TTC34: variants seen among roughly 807,000 people sequenced by gnomAD.
TTC34 encodes tetratricopeptide repeat protein 34.
Under a neutral mutation model 40.7 loss-of-function variants are expected in TTC34, and 44 were observed. The observed-to-expected ratio is 1.08, with a 90% CI of 0.85 to 1.39. TTC34 has a LOEUF of 1.39. TTC34 is among the 40% of genes most tolerant of loss of function. The pLI is 0.00. For synonymous variants in TTC34, 422 were observed against 398.6 expected (o/e 1.06, Z -0.70); for missense variants, 884 against 838.0 (o/e 1.05, Z -0.68).
chr1:2,786,007 A>G, exon 5 of TTC34: 15 of 1,472,356 alleles, frequency 1.0e-5, no homozygotes, highest in South Asian at 1.4e-5. Context: ...ACCAGACTGG[A>G]CCAGCTTCTT....
chr1:2,750,202 AC>A (rs1641269353), intron 6 of TTC34, among the ~76,000 whole-genome samples: 1 of 152,058 alleles, frequency 6.6e-6, no homozygotes. Context: ...CGGCACCCAC[AC>A]CCCCAGGTGC....
intron 6 of TTC34, among the ~76,000 whole-genome samples, chr1:2,677,780 GAGCATCTGACCGCATCACATGGCATCCT>G (rs1639968822): frequency 1.4e-5 from 1 of 70,440 alleles, no homozygotes; most frequent in African/African-American, 5.0e-5. Flanking sequence ...ACCCCCAGGT[GAGCATCTGACCGCATCACATGGCATCCT>G]CACACCCAGT....
chr1:2,752,184 C>T (rs1162989992), intron 6 of TTC34, among the ~76,000 whole-genome samples: 1 of 120,636 alleles, frequency 8.3e-6, no homozygotes, highest in African/African-American at 3.7e-5. Context: ...AGGTGAGCAT[C>T]TGACAGCCTG....
At chr1:2,687,202 C>A (rs1640402051) in intron 6 of TTC34, among the ~76,000 whole-genome samples, 1 of 147,558 alleles carries the variant, frequency 6.8e-6, no homozygotes, top group Non-Finnish European at 1.5e-5. Flanking sequence ...GCAGCACCCA[C>A]ACCTCCCGGC....
intron 6 of TTC34, among the ~76,000 whole-genome samples, chr1:2,760,402 C>T (rs1301403737): frequency 2.0e-5 from 1 of 50,942 alleles, no homozygotes; most frequent in Non-Finnish European, 3.1e-5. Context: ...CATCACCCCG[C>T]ACCCACAGGC....
intron 2 of TTC34, among the ~76,000 whole-genome samples, chr1:2,798,902 C>A (rs1443331825): frequency 8.8e-6 from 1 of 113,060 alleles, no homozygotes; most frequent in African/African-American, 3.6e-5. Context: ...AGCCTCCCAG[C>A]CTCTCAGCCT....
In TTC34 at chr1:2,771,551, G is replaced by T. The variant is rs1327895814; in HGVS notation, c.2226+12058C>A. On this transcript the variant is annotated intron_variant, in intron 6 of 8. Coordinates refer to ENST00000401095, the Ensembl canonical transcript of TTC34. ...CCAGGCGAGCATCTGACAGCCTGGA[G>T]CAGCACACACAACCCCAGGCGAGCA... Among the ~76,000 whole-genome samples, 10 of 68,668 alleles carry T rather than the reference G, an allele frequency of 1.5e-4. 2 individuals are homozygous for T. The highest frequency in any genetic ancestry group is 1.0e-3 in the Admixed American group (8 of 8,024). The allele number at this position is 68,668 out of a possible 152,430, so 45.0% of individuals were successfully genotyped here.
At chr1:2,687,395 G>A (rs924940720) in intron 6 of TTC34, among the ~76,000 whole-genome samples, 126 of 22,846 alleles carry the variant, frequency 5.5e-3, no homozygotes, top group South Asian at 0.015. Context: ...AGCCTGGAAC[G>A]GCACCCACAC....
Position 2,799,123 on chromosome 1 carries a change from C to T in TTC34, c.784+921G>A, listed in dbSNP as rs189081543. Among the ~76,000 whole-genome samples, 82 of 151,076 alleles carry T rather than the reference C, an allele frequency of 5.4e-4. 1 individual carries two copies. In the East Asian group the frequency reaches 9.7e-3, roughly 18 times the overall value. On this transcript the variant is annotated intron_variant, in intron 2 of 8. Transcript: ENST00000401095. ...CCAGCCTCTCAGCCTCCCGGCCTCC[C>T]GGCCTCCCAGCCTCCCAGCCTCCTA...
At position 2,648,578 on chromosome 1, in the gene TTC34, C is replaced by A. The variant is rs541129443; in HGVS notation, c.2227-3015G>T. 2.0e-5 allele frequency among the ~76,000 whole-genome samples: 3 copies of A among 152,158 alleles called. No individual in the cohort carries two copies. In the East Asian group the frequency reaches 5.8e-4, roughly 29 times the overall value. ...TACAGCTGTCAGGAGCCTGGAATGG[C>A]ACCCACATCCCCAGGTGAGCATCTG... On this transcript the variant is annotated intron_variant, in intron 6 of 8. Coordinates refer to ENST00000401095, the Ensembl canonical transcript of TTC34.
chr1:2,750,012 C>T (rs1157427987), intron 6 of TTC34, among the ~76,000 whole-genome samples: 4 of 8,812 alleles, frequency 4.5e-4, no homozygotes, highest in East Asian at 9.1e-3. Flanking sequence ...CATCCCCAGG[C>T]GAGCATCCGA....
At chr1:2,800,659 C>A (rs1643761748) in exon 2 of TTC34, 1 of 398,500 alleles carries the variant, frequency 2.5e-6, no homozygotes, top group Non-Finnish European at 4.4e-6. Flanking sequence ...GCCACCACCG[C>A]CGCCCCCCGA....
intron 6 of TTC34, among the ~76,000 whole-genome samples, chr1:2,677,940 T>C (rs1409324039): frequency 3.0e-5 from 1 of 33,812 alleles, no homozygotes; most frequent in Non-Finnish European, 4.8e-5. Flanking sequence ...CACCCCCAGG[T>C]GAGCATCCGA....
intron 6 of TTC34, among the ~76,000 whole-genome samples, chr1:2,768,610 G>T (rs919577651): frequency 2.0e-5 from 3 of 151,756 alleles, no homozygotes; most frequent in East Asian, 1.9e-4. Context: ...AGCCTGGAAT[G>T]GTACCCCACA....
chr1:2,646,687 G>A (rs1042392965), intron 6 of TTC34, among the ~76,000 whole-genome samples: 5 of 152,190 alleles, frequency 3.3e-5, no homozygotes, highest in African/African-American at 1.2e-4. Flanking sequence ...CACCTGGCCT[G>A]TTTTTAATTT....
At chr1:2,677,547 AC>A (rs1639952919) in intron 6 of TTC34, among the ~76,000 whole-genome samples, 2 of 100,490 alleles carry the variant, frequency 2.0e-5, no homozygotes, top group East Asian at 3.3e-4. Flanking sequence ...TGAGCAACTG[AC>A]AGCCTGGAGC....
intron 3 of TTC34, among the ~76,000 whole-genome samples, chr1:2,788,353 G>T (rs55972083): frequency 0.17 from 25,420 of 151,428 alleles, 2,560 homozygotes; most frequent in South Asian, 0.26. Flanking sequence ...GTTGTGTGTG[G>T]TGTGTGTGTT....
intron 6 of TTC34, among the ~76,000 whole-genome samples, chr1:2,684,082 G>A (rs1640208082): frequency 2.0e-5 from 3 of 152,326 alleles, no homozygotes; most frequent in South Asian, 2.1e-4. Context: ...ACATCCCCAG[G>A]TGAGCATCCG....
chr1:2,687,968 C>A (rs1199281895), intron 6 of TTC34, among the ~76,000 whole-genome samples: 5 of 151,598 alleles, frequency 3.3e-5, no homozygotes, highest in African/African-American at 4.9e-5. Context: ...CACGCGCACC[C>A]CCAGGAGAGC....
Sources: allele counts gnomAD v4.1 joint callset (sites outside exome capture counted in the v4.1 genomes callset), GRCh38; gene constraint gnomAD v4.1.1; transcripts MANE v1.5; gene names NCBI Gene and HGNC (gene_info 2026-07-23, HGNC 2026-07-21).